Variants in SLC26A1 observed in about 807,000 individuals in gnomAD.
SLC26A1 encodes sulfate anion transporter 1.
In SLC26A1, 18 loss-of-function variants were observed where a neutral mutation model predicts 14.5. The ratio of observed to expected loss-of-function variants is 1.24; its 90% CI spans 0.86 to 1.84. The LOEUF (loss-of-function observed/expected upper bound fraction) is 1.84. SLC26A1 is among the 40% of genes most tolerant of loss of function. The pLI is 0.00. For synonymous variants in SLC26A1, 505 were observed against 492.0 expected (o/e 1.03, Z -0.35); for missense variants, 1,049 against 1,020.0 (o/e 1.03, Z -0.39).
Position 989,920 on chromosome 4 carries a change from C to T in SLC26A1, c.1019G>A (p.Arg340His), listed in dbSNP as rs550626988. ...PQVPEPRLMQRVALDAVALAL... is the reference protein window; with the variant it reads ...PQVPEPRLMQHVALDAVALAL... ...CAGGGCCACGGCATCCAAAGCCACA[C>T]GCTGCATCAGCCTGGGCTCTGGGAC... is the stretch of plus-strand genomic sequence containing the variant. Residue 340 changes from arginine to histidine, a missense_variant, in exon 3 of 3, where the codon CGT becomes CAT. Arg to His is a conservative substitution (Grantham distance 29). Coordinates refer to ENST00000398516, the MANE Select transcript of SLC26A1 (RefSeq NM_022042.4). The T allele has an allele frequency of 3.7e-5, 58 of 1,560,114 alleles. No individual in the cohort carries two copies. In the South Asian group the frequency reaches 4.4e-4, roughly 12 times the overall value.
In SLC26A1 at chr4:989,213, C is replaced by G. The variant is rs769404125; in HGVS notation, c.1726G>C (p.Gly576Arg). 2.5e-6 allele frequency: 4 copies of G among 1,610,130 alleles called. No homozygotes were observed. Among genetic ancestry groups the G allele is most frequent in the Admixed American group, 1.7e-5 (1 of 59,868 alleles). The change falls in exon 3 of 3, where the codon GGG (glycine) becomes CGG (arginine). Residue 576 changes from glycine (G) to arginine (R), a missense_variant. Transcript: ENST00000398516. Reference protein sequence around the residue: ...AGCMAARRKEGGSETGVGEGG... With the variant: ...AGCMAARRKERGSETGVGEGG... ...TCACCGACCCCCGTCTCTGAGCCCC[C>G]CTCCTTCCTCCTGGCAGCCATGCAC...
In SLC26A1 at chr4:988,284, C is replaced by T; in HGVS notation, c.*549G>A. Reference sequence around the variant, plus strand: ...GCACCTGAGGGCTGAGCTGAGGTCTCATCGGTCACAGCACCCTGGGCCCTG... The same window carrying T: ...GCACCTGAGGGCTGAGCTGAGGTCTTATCGGTCACAGCACCCTGGGCCCTG... On this transcript the variant is annotated 3_prime_UTR_variant, in exon 3 of 3. Transcript: ENST00000398516. The T allele has an allele frequency of 8.6e-7, 1 of 1,167,920 alleles. No individual in the cohort carries two copies. The allele number at this position is 1,167,920 out of a possible 1,614,324, so 72.3% of individuals were successfully genotyped here. A position where few individuals can be genotyped will look rare whatever the true frequency, so the allele number is the denominator to read the frequency against.
At chr4:990,933 C>T (rs1714241114) in intron 2 of SLC26A1, 195 bp downstream of exon 2, 1 of 582,176 alleles carries the variant, frequency 1.7e-6, no homozygotes, top group Non-Finnish European at 2.9e-6. Context: ...TCCCCTCCTG[C>T]ATCCACAGCC....
Position 991,158 on chromosome 4 carries a change from G to A in SLC26A1, c.546C>T (p.Thr182=), listed in dbSNP as rs769831908. 1.2e-5 allele frequency: 19 copies of A among 1,559,148 alleles called. No individual in the cohort carries two copies. The highest frequency in any genetic ancestry group is 1.9e-4 in the Middle Eastern group (1 of 5,336). ...GRDCYAIRVA[T]ALTLMTGLYQ... Reference sequence around the variant, plus strand: ...AAAGCCCGGTCATCAGCGTGAGGGCGGTGGCGACACGGATGGCGTAGCAGT... The same window carrying A: ...AAAGCCCGGTCATCAGCGTGAGGGCAGTGGCGACACGGATGGCGTAGCAGT... Residue 182 remains threonine (T), a synonymous_variant, in exon 2 of 3, where the codon ACC becomes ACT. Coordinates refer to ENST00000398516, the MANE Select transcript of SLC26A1 (RefSeq NM_022042.4).
chr4:992,106 G>A (rs1009147445), intron 1 of SLC26A1: 32 of 501,050 alleles, frequency 6.4e-5, no homozygotes, highest in Non-Finnish European at 1.1e-4. Flanking sequence ...CCTCCCCAAC[G>A]GGGCAGGAAC....
chr4:986,318 G>A (rs1713726219), downstream of SLC26A1, among the ~76,000 whole-genome samples: 1 of 152,120 alleles, frequency 6.6e-6, no homozygotes, highest in Non-Finnish European at 1.5e-5. Flanking sequence ...GGTATCCTCG[G>A]GGTATTGGTT....
rs538744180 is a variant in SLC26A1 at position 981,860 on chromosome 4, G to C, written c.577-2356C>G. ...AGACGGAGTCTCACTCTGTTGCCCAGGCTGGAGTGCAGTGGCGCGATCTCA... is the reference window on the plus strand; with the variant it reads ...AGACGGAGTCTCACTCTGTTGCCCACGCTGGAGTGCAGTGGCGCGATCTCA... On this transcript the variant is annotated intron_variant, in intron 2 of 2. Transcript: ENST00000398520. 2.6e-5 allele frequency among the ~76,000 whole-genome samples: 4 copies of C among 151,238 alleles called. No individual in the cohort carries two copies. In the East Asian group the frequency reaches 7.9e-4, roughly 30 times the overall value.
At chr4:982,341 G>A (rs1394702244) in intron 2 of SLC26A1, among the ~76,000 whole-genome samples, 2 of 152,192 alleles carry the variant, frequency 1.3e-5, no homozygotes, top group East Asian at 1.9e-4. Context: ...GGGAGGGGGC[G>A]GCTTCCCCTG....
Position 991,668 on chromosome 4 carries a change from T to A in SLC26A1, c.36A>T (p.Arg12Ser). Residue 12 changes from arginine to serine, a missense_variant, in exon 2 of 3, where the codon AGA (arginine) becomes AGT (serine). Transcript: ENST00000398516. Reference protein sequence around the residue: ...DESPEPLQQGRGPVPVRRQRP... With the variant: ...DESPEPLQQGSGPVPVRRQRP... The stretch of plus-strand genomic sequence containing the variant: ...GCTGCCGTCGGACCGGCACCGGCCC[T>A]CTGCCCTGCTGCAGAGGCTCAGGGG... 1 of 1,539,044 alleles carries A rather than the reference T, an allele frequency of 6.5e-7. No homozygotes were observed. Among genetic ancestry groups the A allele is most frequent in the South Asian group, 1.2e-5 (1 of 81,174 alleles).
chr4:991,656 C>T lies in SLC26A1; in HGVS notation c.48G>A (p.Pro16=), dbSNP rs761659699. The stretch of plus-strand genomic sequence containing the variant: ...GGGGTGCTGGGCGCTGCCGTCGGAC[C>T]GGCACCGGCCCTCTGCCCTGCTGCA... ...EPLQQGRGPV[P]VRRQRPAPRG... is the part of the protein sequence containing the mutation. Residue 16 remains proline, a synonymous_variant, in exon 2 of 3, where the codon CCG becomes CCA. Transcript: ENST00000398516. 17 of 1,546,770 alleles carry T rather than the reference C, an allele frequency of 1.1e-5. No homozygotes were observed. Among genetic ancestry groups the T allele is most frequent in the African/African-American group, 1.4e-5 (1 of 73,802 alleles).
At chr4:992,679 A>G (rs1714464435) in intron 1 of SLC26A1, 1 of 159,880 alleles carries the variant, frequency 6.3e-6, no homozygotes, top group African/African-American at 2.4e-5. Context: ...AGCCCGCTGC[A>G]CACAGTCACC....
chr4:987,621 T>C (rs1713837505), downstream of SLC26A1: 1 of 1,443,436 alleles, frequency 6.9e-7, no homozygotes, highest in Non-Finnish European at 9.1e-7. Flanking sequence ...GTCTTACTGC[T>C]GCTGCCGTTC....
chr4:987,609 TC>T, downstream of SLC26A1: 1 of 1,435,796 alleles, frequency 7.0e-7, no homozygotes, highest in South Asian at 1.5e-5. Flanking sequence ...CGTTGGCCCC[TC>T]GTCTTACTGC....
rs1713881138 is a variant in SLC26A1 at position 988,013 on chromosome 4, G to A, written c.*820C>T. ...TACAGAGGCACAGATGGGAGGGGAG[G>A]GCTGGGGGCTGCTCGGAAGACCCCT... On this transcript the variant is annotated 3_prime_UTR_variant, in exon 3 of 3. Coordinates refer to ENST00000398516, the MANE Select transcript of SLC26A1 (RefSeq NM_022042.4). 6.6e-7 allele frequency: 1 copy of A among 1,512,546 alleles called. No homozygotes were observed. 93.7% of individuals were successfully genotyped at this position (1,512,546 alleles called of 1,614,324 possible).
Position 988,049 on chromosome 4 carries a change from C to T in SLC26A1, c.*784G>A. 5 of 1,478,282 alleles carry T rather than the reference C, an allele frequency of 3.4e-6. No individual in the cohort carries two copies. Among genetic ancestry groups the T allele is most frequent in the Admixed American group, 2.1e-5 (1 of 46,582 alleles). 91.6% of individuals were successfully genotyped at this position (1,478,282 alleles called of 1,614,324 possible). A position where few individuals can be genotyped will look rare whatever the true frequency, so the allele number is the denominator to read the frequency against. ...GCTCGGAAGACCCCTTGTTCCCCCA[C>T]CTCCCGCCGAAGCACCCTGTTGGGG... On this transcript the variant is annotated 3_prime_UTR_variant, in exon 3 of 3. Transcript: ENST00000398516.
chr4:987,750 C>T lies in SLC26A1; in HGVS notation c.*1083G>A. 6.2e-7 allele frequency: 1 copy of T among 1,606,690 alleles called. No individual in the cohort carries two copies. The highest frequency in any genetic ancestry group is 8.5e-7 in the Non-Finnish European group (1 of 1,177,678). On this transcript the variant is annotated 3_prime_UTR_variant, in exon 3 of 3. Transcript: ENST00000398516. ...CAGTCCTGGGCTTGAACGTGTGTGT[C>T]AGCCGCGCTGCCAGCCATGCTGAGG... is the stretch of plus-strand genomic sequence containing the variant.
Position 991,657 on chromosome 4 carries a change from G to A in SLC26A1, c.47C>T (p.Pro16Leu), listed in dbSNP as rs199532422. ...EPLQQGRGPV[P>L]VRRQRPAPRG... ...GGGTGCTGGGCGCTGCCGTCGGACC[G>A]GCACCGGCCCTCTGCCCTGCTGCAG... Residue 16 changes from proline (P) to leucine (L), a missense_variant, in exon 2 of 3, where the codon CCG becomes CTG. Coordinates refer to ENST00000398516, the MANE Select transcript of SLC26A1 (RefSeq NM_022042.4). 132 of 1,546,982 alleles carry A rather than the reference G, an allele frequency of 8.5e-5. No individual in the cohort carries two copies. Among genetic ancestry groups the A allele is most frequent in the Non-Finnish European group, 9.0e-5 (104 of 1,153,566 alleles).
At position 989,081 on chromosome 4, in the gene SLC26A1, G is replaced by C; in HGVS notation, c.1858C>G (p.Leu620Val). 6.3e-7 allele frequency: 1 copy of C among 1,595,318 alleles called. No homozygotes were observed. The highest frequency in any genetic ancestry group is 8.5e-7 in the Non-Finnish European group (1 of 1,171,446). ...CTCACACCGGCTGCGTCTAGGAACAGCAGCGGGGCGCAGTCGATGACCACT... is the reference window on the plus strand; with the variant it reads ...CTCACACCGGCTGCGTCTAGGAACACCAGCGGGGCGCAGTCGATGACCACT... Reference protein sequence around the residue: ...HTVVIDCAPLLFLDAAGVSTL... With the variant: ...HTVVIDCAPLVFLDAAGVSTL... The change falls in exon 3 of 3, where the codon CTG (leucine) becomes GTG (valine). Residue 620 changes from leucine to valine, a missense_variant. Coordinates refer to ENST00000398516, the MANE Select transcript of SLC26A1 (RefSeq NM_022042.4).
Position 989,178 on chromosome 4 carries a change from A to G in SLC26A1, c.1761T>C (p.Pro587=). 15 of 1,607,400 alleles carry G rather than the reference A, an allele frequency of 9.3e-6. No individual in the cohort carries two copies. The highest frequency in any genetic ancestry group is 1.3e-5 in the Non-Finnish European group (15 of 1,176,348). The change falls in exon 3 of 3, where the codon CCT becomes CCC. Residue 587 remains proline (P), a synonymous_variant. Coordinates refer to ENST00000398516, the MANE Select transcript of SLC26A1 (RefSeq NM_022042.4). ...CCGGGCCCAGGTCCTCGCCCTGGGCAGGGCCTCCCTCACCGACCCCCGTCT... is the reference window on the plus strand; with the variant it reads ...CCGGGCCCAGGTCCTCGCCCTGGGCGGGGCCTCCCTCACCGACCCCCGTCT... The part of the protein sequence containing the change: ...GSETGVGEGG[P]AQGEDLGPVS...
Sources: gnomAD v4.1 joint callset for allele counts (sites outside exome capture counted in the v4.1 genomes callset) on GRCh38, gnomAD v4.1.1 for gene constraint, MANE v1.5 for transcripts, NCBI Gene and HGNC (gene_info 2026-07-23, HGNC 2026-07-21) for gene names.